The following LRRTM4 variants were observed in gnomAD, a reference collection of about 807,000 sequenced individuals.
The protein encoded by LRRTM4 is leucine-rich repeat transmembrane neuronal protein 4.
Under a neutral mutation model 47.6 loss-of-function variants are expected in LRRTM4, and 25 were observed. That is an observed-to-expected ratio of 0.53 (90% CI 0.38 to 0.73). The LOEUF (loss-of-function observed/expected upper bound fraction) is 0.73, where lower values mean the gene tolerates loss of function less well. Ranked by LOEUF, LRRTM4 falls within the 30% of genes least tolerant of loss-of-function variation. LRRTM4 has a pLI of 0.00. For missense variants in LRRTM4, 638 were observed against 713.4 expected, an observed-to-expected ratio of 0.89 and a Z score of 1.20; for synonymous variants, 311 against 269.5, an observed-to-expected ratio of 1.15 and a Z score of -1.51.
At chr2:76,951,124 C>G (rs776358036) in intron 3 of LRRTM4, among the ~76,000 whole-genome samples, 5 of 151,972 alleles carry the variant, frequency 3.3e-5, no homozygotes, top group Non-Finnish European at 5.9e-5. Flanking sequence ...ATTGGCTGCT[C>G]TGAATAATAG....
chr2:76,803,824 A>T (rs1323247203), intron 3 of LRRTM4, among the ~76,000 whole-genome samples: 1 of 152,180 alleles, frequency 6.6e-6, no homozygotes, highest in East Asian at 1.9e-4. Flanking sequence ...AAACATCTGT[A>T]CAAACAATAT....
At chr2:77,257,593 A>G (rs1289120475) in intron 3 of LRRTM4, among the ~76,000 whole-genome samples, 2 of 152,210 alleles carry the variant, frequency 1.3e-5, no homozygotes, top group Middle Eastern at 3.4e-3. Flanking sequence ...CTTTTTATAT[A>G]CTTTTCCTTT....
Position 77,292,363 on chromosome 2 carries a change from C to A in LRRTM4, c.1551+225955G>T, listed in dbSNP as rs1165579928. Among the ~76,000 whole-genome samples, 17 of 151,326 alleles carry A rather than the reference C, an allele frequency of 1.1e-4. 1 individual carries two copies. Among genetic ancestry groups the A allele is most frequent in the Admixed American group, 1.1e-3 (17 of 15,142 alleles). ...CATTACTGGGTATATACCCAAAGGA[C>A]TATAAATCATGCTGCTATAAAGACA... On this transcript the variant is annotated intron_variant, in intron 3 of 3. Coordinates refer to ENST00000409884, the MANE Select transcript of LRRTM4 (RefSeq NM_001134745.3).
chr2:77,470,374 A>C (rs1677142439), intron 3 of LRRTM4, among the ~76,000 whole-genome samples: 1 of 152,170 alleles, frequency 6.6e-6, no homozygotes, highest in African/African-American at 2.4e-5. Flanking sequence ...AAATTACATA[A>C]AACAGAGACC....
intron 3 of LRRTM4, among the ~76,000 whole-genome samples, chr2:76,952,299 C>T (rs1279149683): frequency 6.6e-6 from 1 of 151,914 alleles, no homozygotes; most frequent in Non-Finnish European, 1.5e-5. Context: ...GACTATGCCT[C>T]CAACAAAGCT....
intron 3 of LRRTM4, among the ~76,000 whole-genome samples, chr2:76,995,504 G>A (rs1005824197): frequency 6.6e-6 from 1 of 151,656 alleles, no homozygotes; most frequent in Admixed American, 6.6e-5. Context: ...ATAATTCCAT[G>A]AAGTTTCTAG....
intron 3 of LRRTM4, among the ~76,000 whole-genome samples, chr2:76,951,556 C>T (rs76058194): frequency 0.038 from 5,714 of 151,864 alleles, 241 homozygotes; most frequent in East Asian, 0.14. Context: ...AGAGGTGAAC[C>T]TTAAAAATTT....
intron 3 of LRRTM4, among the ~76,000 whole-genome samples, chr2:76,766,982 CT>C (rs1478333315): frequency 6.6e-6 from 1 of 152,164 alleles, no homozygotes; most frequent in Non-Finnish European, 1.5e-5. Flanking sequence ...TCCTTCACAG[CT>C]ACAGCTCCTA....
chr2:77,089,179 CTTGTCTCT>C (rs754112494), intron 3 of LRRTM4, among the ~76,000 whole-genome samples: 79 of 143,860 alleles, frequency 5.5e-4, no homozygotes, highest in Non-Finnish European at 3.2e-4. Flanking sequence ...CCCTTCTCTC[CTTGTCTCT>C]ACCCCTTCTC....
intron 3 of LRRTM4, among the ~76,000 whole-genome samples, chr2:76,770,200 A>T: frequency 6.6e-6 from 1 of 152,368 alleles, no homozygotes; most frequent in Non-Finnish European, 1.5e-5. Flanking sequence ...GTTTTAAAGG[A>T]TTAATAATAT....
chr2:77,115,355 A>G (rs1310978359), intron 3 of LRRTM4, among the ~76,000 whole-genome samples: 1 of 152,182 alleles, frequency 6.6e-6, no homozygotes, highest in Non-Finnish European at 1.5e-5. Flanking sequence ...ATGTTTGACA[A>G]TTAGATTTCA....
chr2:76,934,524 G>GT (rs1027569052), intron 3 of LRRTM4, among the ~76,000 whole-genome samples: 12 of 152,142 alleles, frequency 7.9e-5, no homozygotes, highest in African/African-American at 2.9e-4. Context: ...TGGTAAATGT[G>GT]TAACAACCAT....
chr2:76,916,043 T>A (rs1271763783), intron 3 of LRRTM4, among the ~76,000 whole-genome samples: 1 of 151,018 alleles, frequency 6.6e-6, no homozygotes, highest in African/African-American at 2.4e-5. Context: ...TAATCAGAGA[T>A]TAAGAATAAA....
chr2:77,267,358 A>G (rs952480082), intron 3 of LRRTM4, among the ~76,000 whole-genome samples: 3 of 152,176 alleles, frequency 2.0e-5, no homozygotes, highest in Non-Finnish European at 4.4e-5. Context: ...AGGCACCTGC[A>G]GGTTTGCTGT....
chr2:77,278,654 C>A (rs2104093032), intron 3 of LRRTM4, among the ~76,000 whole-genome samples: 1 of 151,964 alleles, frequency 6.6e-6, no homozygotes, highest in Non-Finnish European at 1.5e-5. Context: ...GCAAAGGGGC[C>A]ATTTATCCCC....
At chr2:77,224,591 G>A (rs1674747008) in intron 3 of LRRTM4, among the ~76,000 whole-genome samples, 1 of 152,146 alleles carries the variant, frequency 6.6e-6, no homozygotes, top group Non-Finnish European at 1.5e-5. Flanking sequence ...CATTTATGCA[G>A]CCAAAAAACA....
intron 3 of LRRTM4, among the ~76,000 whole-genome samples, chr2:77,150,444 A>G (rs934115083): frequency 3.3e-5 from 5 of 152,190 alleles, no homozygotes; most frequent in Non-Finnish European, 7.3e-5. Flanking sequence ...AGCCTATTTC[A>G]GAATGGGAGT....
At chr2:77,481,704 TG>T (rs1408877439) in intron 3 of LRRTM4, among the ~76,000 whole-genome samples, 1 of 152,176 alleles carries the variant, frequency 6.6e-6, no homozygotes, top group African/African-American at 2.4e-5. Flanking sequence ...TTTCTGGATG[TG>T]TATACTATTT....
At chr2:77,347,733 G>A (rs996440537) in intron 3 of LRRTM4, among the ~76,000 whole-genome samples, 8 of 151,878 alleles carry the variant, frequency 5.3e-5, no homozygotes, top group Admixed American at 4.6e-4. Context: ...TGCTATAAAA[G>A]TTTCTAAACT....
Sources: allele counts gnomAD v4.1 joint callset (sites outside exome capture counted in the v4.1 genomes callset), GRCh38; gene constraint gnomAD v4.1.1; transcripts MANE v1.5; gene names NCBI Gene and HGNC (gene_info 2026-07-23, HGNC 2026-07-21).